ARFGAP3: variants seen among roughly 807,000 people sequenced by gnomAD.
ARFGAP3 encodes ADP-ribosylation factor GTPase-activating protein 3.
Under a neutral mutation model 75.0 loss-of-function variants are expected in ARFGAP3, and 72 were observed. The ratio of observed to expected loss-of-function variants is 0.96; its 90% CI spans 0.79 to 1.17. The LOEUF (loss-of-function observed/expected upper bound fraction) is 1.17. Ranked by LOEUF, ARFGAP3 falls within the 50% of genes most tolerant of loss-of-function variation. The pLI, the probability that ARFGAP3 is intolerant of heterozygous loss-of-function variation, is 0.00. For missense variants in ARFGAP3, 620 were observed against 626.6 expected, an observed-to-expected ratio of 0.99 and a Z score of 0.11; for synonymous variants, 221 against 217.9, an observed-to-expected ratio of 1.01 and a Z score of -0.13.
intron 7 of ARFGAP3, among the ~76,000 whole-genome samples, chr22:42,824,528 C>CTT (rs111869150): frequency 7.4e-6 from 1 of 135,356 alleles, no homozygotes; most frequent in African/African-American, 2.7e-5. Flanking sequence ...GGTTTTCTTT[C>CTT]TTTTTTTTTT....
intron 11 of ARFGAP3, among the ~76,000 whole-genome samples, chr22:42,811,693 G>T (rs1255436001): frequency 6.6e-6 from 1 of 152,224 alleles, no homozygotes; most frequent in African/African-American, 2.4e-5. Flanking sequence ...AGGAGAGCCT[G>T]GCCTTCAGAT....
At chr22:42,834,645 T>C (rs563889782) in intron 4 of ARFGAP3, among the ~76,000 whole-genome samples, 2 of 152,368 alleles carry the variant, frequency 1.3e-5, no homozygotes, top group African/African-American at 4.8e-5. Context: ...TCCATATTTA[T>C]GAATCTACCT....
At chr22:42,841,630 G>A (rs960787302) in intron 2 of ARFGAP3, among the ~76,000 whole-genome samples, 1 of 152,106 alleles carries the variant, frequency 6.6e-6, no homozygotes, top group East Asian at 1.9e-4. Flanking sequence ...TCCCCAAGGG[G>A]TCGACGGTAA....
intron 2 of ARFGAP3, among the ~76,000 whole-genome samples, chr22:42,842,778 G>A (rs2146577276): frequency 6.6e-6 from 1 of 152,104 alleles, no homozygotes; most frequent in South Asian, 2.1e-4. Context: ...GCCGCCCTTT[G>A]TTTATAACTT....
intron 14 of ARFGAP3, among the ~76,000 whole-genome samples, chr22:42,805,094 C>T (rs914955098): frequency 2.6e-5 from 4 of 152,054 alleles, no homozygotes; most frequent in South Asian, 2.1e-4. Flanking sequence ...AGTTAGACCC[C>T]GGCGGGGGCA....
intron 2 of ARFGAP3, among the ~76,000 whole-genome samples, chr22:42,845,420 G>A (rs1008550149): frequency 2.6e-5 from 4 of 151,832 alleles, no homozygotes; most frequent in African/African-American, 9.7e-5. Flanking sequence ...AGCTACTTAG[G>A]AGACTGAGGG....
chr22:42,847,277 C>G, intron 2 of ARFGAP3: 1 of 393,274 alleles, frequency 2.5e-6, no homozygotes, highest in Non-Finnish European at 4.6e-6. Context: ...AGTGATCCTC[C>G]CACTTCAGCC....
At chr22:42,847,736 A>G (rs1927082685) in intron 1 of ARFGAP3, 104 bp from the exon 2 acceptor site, 6 of 1,364,008 alleles carry the variant, frequency 4.4e-6, no homozygotes, top group East Asian at 2.8e-5. Context: ...AACCTTTACA[A>G]TGTAAACTTT....
intron 4 of ARFGAP3, 46 bp from the exon 5 acceptor site, chr22:42,834,371 T>G (rs1569160739): frequency 6.3e-7 from 1 of 1,597,294 alleles, no homozygotes; most frequent in East Asian, 2.2e-5. Flanking sequence ...ATCCGGCCTG[T>G]AAAGGATTTT....
chr22:42,845,492 C>G (rs1368641712), intron 2 of ARFGAP3, among the ~76,000 whole-genome samples: 1 of 150,710 alleles, frequency 6.6e-6, no homozygotes, highest in Non-Finnish European at 1.5e-5. Flanking sequence ...TGCCACTGCA[C>G]CCCAGCCTGG....
In ARFGAP3 at chr22:42,817,829, C is replaced by G; in HGVS notation, c.841G>C (p.Asp281His). ...TCTTTCTTCATTTGAATTTCAAGAT[C>G]CTTATAGGCTAATCGTAATGATGAA... is the stretch of plus-strand genomic sequence containing the variant. Reference protein sequence around the residue: ...IVSSLRLAYKDLEIQMKKDEK... With the variant: ...IVSSLRLAYKHLEIQMKKDEK... Residue 281 changes from aspartate (D) to histidine (H), a missense_variant, in exon 10 of 16, where the codon GAT becomes CAT. Transcript: ENST00000263245. 6.2e-7 allele frequency: 1 copy of G among 1,611,740 alleles called. No individual in the cohort carries two copies. The highest frequency in any genetic ancestry group is 1.1e-5 in the South Asian group (1 of 90,736).
Position 42,797,388 on chromosome 22 carries a change from T to C in ARFGAP3, c.*200A>G, listed in dbSNP as rs1924649198. ...AAGGAGGGTGTGACAGGAAGGAACG[T>C]GAAACAGAAATCACAGGAAAGCTCC... On this transcript the variant is annotated 3_prime_UTR_variant, in exon 16 of 16. Transcript: ENST00000263245. The C allele has an allele frequency of 1.5e-6, 1 of 654,068 alleles. No individual in the cohort carries two copies. Among genetic ancestry groups the C allele is most frequent in the Non-Finnish European group, 2.6e-6 (1 of 384,128 alleles). The allele number at this position is 654,068 out of a possible 1,614,324, so 40.5% of individuals were successfully genotyped here. A position where few individuals can be genotyped will look rare whatever the true frequency, so the allele number is the denominator to read the frequency against.
intron 2 of ARFGAP3, 41 bp downstream of exon 2, chr22:42,847,473 A>T: frequency 6.5e-7 from 1 of 1,536,160 alleles, no homozygotes; most frequent in South Asian, 1.1e-5. Flanking sequence ...CCCATGTAAC[A>T]ATGTAATCAA....
chr22:42,812,788 T>A (rs1190916970), intron 11 of ARFGAP3, among the ~76,000 whole-genome samples: 1 of 152,216 alleles, frequency 6.6e-6, no homozygotes, highest in Non-Finnish European at 1.5e-5. Context: ...AAGAAGGTCA[T>A]TAAGAACAAA....
At chr22:42,853,337 T>G (rs1409839252) in intron 1 of ARFGAP3, 1 of 194,730 alleles carries the variant, frequency 5.1e-6, no homozygotes, top group Non-Finnish European at 1.1e-5. Flanking sequence ...GGTGGGCACA[T>G]GGTGGAGATA....
At chr22:42,806,372 C>T (rs968908912) in intron 14 of ARFGAP3, among the ~76,000 whole-genome samples, 2 of 152,244 alleles carry the variant, frequency 1.3e-5, no homozygotes, top group South Asian at 2.1e-4. Context: ...TGAGGCCCAC[C>T]ACTGGGCTCA....
intron 11 of ARFGAP3, among the ~76,000 whole-genome samples, chr22:42,811,560 G>A (rs1003204683): frequency 3.3e-5 from 5 of 152,196 alleles, no homozygotes; most frequent in African/African-American, 1.2e-4. Flanking sequence ...TGATGTAAAT[G>A]ATGCTCATTA....
At chr22:42,830,136 T>G (rs1926220626) in intron 6 of ARFGAP3, among the ~76,000 whole-genome samples, 1 of 152,200 alleles carries the variant, frequency 6.6e-6, no homozygotes, top group Non-Finnish European at 1.5e-5. Context: ...TTATTTTTTT[T>G]AGAGTCCGGG....
chr22:42,829,319 G>A (rs371462962), intron 6 of ARFGAP3, among the ~76,000 whole-genome samples: 4 of 152,158 alleles, frequency 2.6e-5, no homozygotes, highest in African/African-American at 9.7e-5. Flanking sequence ...GGGAGTGCTC[G>A]TTGGCTGGTC....
Sources: allele counts gnomAD v4.1 joint callset (sites outside exome capture counted in the v4.1 genomes callset), GRCh38; gene constraint gnomAD v4.1.1; transcripts MANE v1.5; gene names NCBI Gene and HGNC (gene_info 2026-07-23, HGNC 2026-07-21).